Variants in SOX5 observed in about 807,000 individuals in gnomAD.
The protein encoded by SOX5 is transcription factor SOX-5.
A neutral mutation model predicts 92.0 loss-of-function variants in SOX5; 9 were observed. The observed-to-expected ratio is 0.10, with a 90% CI of 0.06 to 0.17. The LOEUF is 0.17. Ranked by LOEUF, SOX5 falls within the 10% of genes least tolerant of loss-of-function variation. SOX5 has a pLI of 1.00. For synonymous variants in SOX5, 344 were observed against 336.3 expected (o/e 1.02, Z -0.25); for missense variants, 642 against 944.5 (o/e 0.68, Z 4.20).
At position 23,569,759 on chromosome 12, in the gene SOX5, C is replaced by T. The variant is rs1947817741; in HGVS notation, c.1342+5902G>A. 2.6e-5 allele frequency among the ~76,000 whole-genome samples: 4 copies of T among 152,226 alleles called. No individual in the cohort carries two copies. The South Asian group carries it at 6.2e-4, about 24-fold the overall frequency. On this transcript the variant is annotated intron_variant, in intron 10 of 14. Coordinates refer to ENST00000451604, the MANE Select transcript of SOX5 (RefSeq NM_006940.6). ...TGTTGGTGAATTTATTCAAACATCACCCCTTCTGTGAGAACTTCTCTTACA... is the reference window on the plus strand; with the variant it reads ...TGTTGGTGAATTTATTCAAACATCATCCCTTCTGTGAGAACTTCTCTTACA...
intron 3 of SOX5, among the ~76,000 whole-genome samples, chr12:23,784,865 T>C (rs1383584485): frequency 6.6e-6 from 1 of 152,078 alleles, no homozygotes; most frequent in Non-Finnish European, 1.5e-5. Flanking sequence ...ATGCTTGAGC[T>C]CGGGAGTTCA....
chr12:24,408,481 A>G (rs1211542414), intron 1 of SOX5, among the ~76,000 whole-genome samples: 3 of 152,174 alleles, frequency 2.0e-5, no homozygotes, highest in African/African-American at 4.8e-5. Context: ...AAGATACAGA[A>G]CATTTCCAAC....
chr12:23,873,859 T>C (rs2096900108), intron 2 of SOX5, among the ~76,000 whole-genome samples: 1 of 152,168 alleles, frequency 6.6e-6, no homozygotes, highest in Non-Finnish European at 1.5e-5. Flanking sequence ...AACTGGTCAT[T>C]GTGCTATAAA....
At chr12:23,561,763 C>T (rs1167568665) in intron 11 of SOX5, among the ~76,000 whole-genome samples, 1 of 148,766 alleles carries the variant, frequency 6.7e-6, no homozygotes, top group Non-Finnish European at 1.5e-5. Flanking sequence ...CCAGCCAGCA[C>T]TGGGGAAGAG....
intron 3 of SOX5, among the ~76,000 whole-genome samples, chr12:23,802,315 C>T (rs999962829): frequency 7.9e-5 from 12 of 152,076 alleles, no homozygotes; most frequent in African/African-American, 2.9e-4. Flanking sequence ...CTCCTGACCT[C>T]GTGATCAGCC....
chr12:23,838,049 T>A (rs9668905), intron 3 of SOX5, among the ~76,000 whole-genome samples: 25,722 of 90,716 alleles, frequency 0.28, 3,312 homozygotes, highest in East Asian at 0.67. Flanking sequence ...TTATATAATA[T>A]ATATTTATAC....
chr12:24,063,760 G>C (rs1371925294), intron 4 of SOX5, among the ~76,000 whole-genome samples: 1 of 152,098 alleles, frequency 6.6e-6, no homozygotes, highest in Admixed American at 6.6e-5. Flanking sequence ...ATAATGAAAT[G>C]GGAAAAAACT....
intron 3 of SOX5, among the ~76,000 whole-genome samples, chr12:23,795,546 G>A (rs2095547562): frequency 6.6e-6 from 1 of 152,076 alleles, no homozygotes; most frequent in Non-Finnish European, 1.5e-5. Flanking sequence ...CCAAATGTGA[G>A]GGTGGTTTTT....
chr12:24,043,310 T>G (rs1453036761), intron 4 of SOX5, among the ~76,000 whole-genome samples: 5 of 152,218 alleles, frequency 3.3e-5, no homozygotes, highest in African/African-American at 1.2e-4. Flanking sequence ...ATTTGGTACC[T>G]TGCACGCGTA....
intron 3 of SOX5, among the ~76,000 whole-genome samples, chr12:23,781,260 A>G (rs61925716): frequency 6.6e-6 from 1 of 151,120 alleles, no homozygotes; most frequent in African/African-American, 2.4e-5. Context: ...ACCATGGAGG[A>G]ATTTTTTTTT....
At chr12:23,915,043 T>C (rs992269691) in intron 1 of SOX5, among the ~76,000 whole-genome samples, 39 of 152,192 alleles carry the variant, frequency 2.6e-4, no homozygotes, top group African/African-American at 8.2e-4. Flanking sequence ...TAGACAGACC[T>C]AGACTGAGTC....
At chr12:24,070,718 TTTTTAGACATAA>T (rs1450786543) in intron 4 of SOX5, among the ~76,000 whole-genome samples, 3 of 152,196 alleles carry the variant, frequency 2.0e-5, no homozygotes, top group Non-Finnish European at 4.4e-5. Flanking sequence ...AGAACAAACA[TTTTTAGACATAA>T]TTTGTATTCA....
At chr12:24,038,042 A>C (rs1305216353) in intron 4 of SOX5, among the ~76,000 whole-genome samples, 3 of 152,228 alleles carry the variant, frequency 2.0e-5, no homozygotes, top group Non-Finnish European at 4.4e-5. Flanking sequence ...GACATACAAA[A>C]GGGGAAAAGA....
intron 8 of SOX5, among the ~76,000 whole-genome samples, chr12:23,606,100 T>C (rs149568534): frequency 2.6e-5 from 4 of 152,092 alleles, no homozygotes; most frequent in Admixed American, 2.6e-4. Context: ...ATTTCTCCCA[T>C]CTGTCTTAAA....
At chr12:24,308,991 CA>C (rs1382266461) in intron 2 of SOX5, among the ~76,000 whole-genome samples, 3 of 152,196 alleles carry the variant, frequency 2.0e-5, no homozygotes, top group Admixed American at 1.3e-4. Context: ...TGAACTGAAT[CA>C]GCAATGAATG....
In SOX5 at chr12:23,615,711, ATGG is replaced by A. The variant is rs538026257; in HGVS notation, c.1018-11181_1018-11179del. ...TTTTTTTATGGCTGTATAGTATTCC[ATGG>A]TGTATATGCACCACATTTATCCAAT... On this transcript the variant is annotated intron_variant, in intron 8 of 14. Coordinates refer to ENST00000451604, the MANE Select transcript of SOX5 (RefSeq NM_006940.6). Among the ~76,000 whole-genome samples, 4 of 152,140 alleles carry A rather than the reference ATGG, an allele frequency of 2.6e-5. 1 individual carries two copies. In the South Asian group the frequency reaches 8.3e-4, roughly 31 times the overall value.
At chr12:24,046,234 A>G (rs565711550) in intron 4 of SOX5, among the ~76,000 whole-genome samples, 5 of 151,550 alleles carry the variant, frequency 3.3e-5, no homozygotes, top group African/African-American at 9.7e-5. Flanking sequence ...GGGGTGGGCA[A>G]GAAGAGAATT....
intron 1 of SOX5, among the ~76,000 whole-genome samples, chr12:24,543,318 T>TA (rs1299263705): frequency 3.3e-5 from 5 of 152,236 alleles, no homozygotes; most frequent in African/African-American, 9.6e-5. Flanking sequence ...GGACTTTCAA[T>TA]AAAAAAGGTT....
At chr12:24,212,576 G>A (rs1214883993) in intron 4 of SOX5, 3 of 494,250 alleles carry the variant, frequency 6.1e-6, no homozygotes, top group Non-Finnish European at 1.2e-5. Context: ...ATAATAGTGA[G>A]AGTTGTGAGC....
Sources: allele counts gnomAD v4.1 joint callset (sites outside exome capture counted in the v4.1 genomes callset), GRCh38; gene constraint gnomAD v4.1.1; transcripts MANE v1.5; gene names NCBI Gene and HGNC (gene_info 2026-07-23, HGNC 2026-07-21).